HELQ: variants seen among roughly 807,000 people sequenced by gnomAD.
HELQ encodes the protein helicase, POLQ like.
HELQ carries 77 observed loss-of-function variants against 111.6 expected under a neutral mutation model. The observed-to-expected ratio is 0.69, with a 90% CI of 0.57 to 0.83. The LOEUF (loss-of-function observed/expected upper bound fraction) is 0.83, where lower values mean the gene tolerates loss of function less well. Ranked by LOEUF, HELQ falls within the 40% of genes least tolerant of loss-of-function variation. The pLI is 0.00. For missense variants in HELQ, 1,200 were observed against 1,288.5 expected (o/e 0.93, Z 1.05); for synonymous variants, 438 against 454.7 (o/e 0.96, Z 0.47).
rs11319573 is a variant in HELQ, at chr4:83,425,279, C to CAAA, written c.2775+712_2775+714dup. 2.2e-3 allele frequency among the ~76,000 whole-genome samples: 153 copies of CAAA among 70,366 alleles called. 1 individual carries two copies. Among genetic ancestry groups the CAAA allele is most frequent in the African/African-American group, 5.7e-3 (144 of 25,134 alleles). 46.2% of individuals were successfully genotyped at this position (70,366 alleles called of 152,430 possible). ...TGGGCGACAGAGTGAGACTGCACCT[C>CAAA]AAAAAAAAAAAAAAAAAAGGTGTGG... On this transcript the variant is annotated intron_variant, in intron 14 of 17. Transcript: ENST00000295488.
chr4:83,423,520 T>C (rs1719654263), intron 14 of HELQ, among the ~76,000 whole-genome samples: 2 of 152,162 alleles, frequency 1.3e-5, no homozygotes, highest in African/African-American at 2.4e-5. Context: ...TAACTATAAA[T>C]TGAGTCAATG....
chr4:83,427,722 T>C lies in HELQ; in HGVS notation c.2519-2A>G. On this transcript the variant is annotated splice_acceptor_variant, in intron 12 of 17. Coordinates refer to ENST00000295488, the MANE Select transcript of HELQ (RefSeq NM_133636.5). LOFTEE classifies it high-confidence loss of function. ...CACAATAAGCTAAATCTATAGTTCC[T>C]AAAAGAAAGATACAAATATTCAATC... is the stretch of plus-strand genomic sequence containing the variant. The C allele has an allele frequency of 6.6e-7, 1 of 1,516,304 alleles. No individual in the cohort carries two copies. The highest frequency in any genetic ancestry group is 2.4e-5 in the East Asian group (1 of 41,236). The allele number at this position is 1,516,304 out of a possible 1,614,324, so 93.9% of individuals were successfully genotyped here.
intron 7 of HELQ, among the ~76,000 whole-genome samples, chr4:83,440,607 CCTT>C (rs1720709382): frequency 6.6e-6 from 1 of 152,106 alleles, no homozygotes; most frequent in African/African-American, 2.4e-5. Flanking sequence ...CTGTATAATC[CCTT>C]CTTCCCCTTT....
intron 17 of HELQ, among the ~76,000 whole-genome samples, chr4:83,416,208 A>C (rs1168871815): frequency 6.6e-6 from 1 of 151,466 alleles, no homozygotes; most frequent in Admixed American, 6.6e-5. Context: ...TCGGCCTCCC[A>C]AAGTGCTGGG....
chr4:83,453,191 G>T, intron 2 of HELQ, 40 bp downstream of exon 2: 1 of 1,261,028 alleles, frequency 7.9e-7, no homozygotes, highest in Non-Finnish European at 1.1e-6. Context: ...TTATGGTAAT[G>T]ATAGGAAAAA....
At chr4:83,439,764 GT>G in intron 8 of HELQ, 98 bp downstream of exon 8, 2 of 793,248 alleles carry the variant, frequency 2.5e-6, no homozygotes, top group Non-Finnish European at 4.0e-6. Flanking sequence ...TTAATATGAT[GT>G]TTTGCAAGGC....
At chr4:83,411,775 A>G (rs1159777072) in intron 17 of HELQ, among the ~76,000 whole-genome samples, 2 of 151,520 alleles carry the variant, frequency 1.3e-5, no homozygotes, top group Non-Finnish European at 2.9e-5. Flanking sequence ...CATGAGTACC[A>G]CAGGCACACA....
chr4:83,436,585 GATT>G (rs1364658429), intron 9 of HELQ, among the ~76,000 whole-genome samples: 3 of 152,094 alleles, frequency 2.0e-5, no homozygotes, highest in Non-Finnish European at 4.4e-5. Flanking sequence ...TACAAAACCA[GATT>G]AATAGACCCT....
At position 83,448,963 on chromosome 4, in the gene HELQ, T is replaced by C; in HGVS notation, c.1013-2A>G. ...ATGTTAAACAAGTATGTTGCCATTC[T>C]GTGGAATTAAAAAAAAAAAGGCATT... On this transcript the variant is annotated splice_acceptor_variant, in intron 2 of 17. Coordinates refer to ENST00000295488, the MANE Select transcript of HELQ (RefSeq NM_133636.5). LOFTEE classifies it high-confidence loss of function. 1 of 1,507,308 alleles carries C rather than the reference T, an allele frequency of 6.6e-7. No homozygotes were observed. Among genetic ancestry groups the C allele is most frequent in the Non-Finnish European group, 8.8e-7 (1 of 1,133,136 alleles). 93.4% of individuals were successfully genotyped at this position (1,507,308 alleles called of 1,614,324 possible).
intron 1 of HELQ, 179 bp downstream of exon 1, chr4:83,455,218 G>C: frequency 7.7e-7 from 1 of 1,305,940 alleles, no homozygotes; most frequent in Non-Finnish European, 1.0e-6. Context: ...TATGTCTCGG[G>C]GTTTACATTT....
chr4:83,440,980 T>C (rs966485917), intron 7 of HELQ, among the ~76,000 whole-genome samples: 7 of 152,258 alleles, frequency 4.6e-5, no homozygotes, highest in African/African-American at 1.7e-4. Context: ...CACAACTTGG[T>C]ACTGTCTTTC....
At chr4:83,412,896 G>A (rs1018107555) in intron 17 of HELQ, among the ~76,000 whole-genome samples, 2 of 152,242 alleles carry the variant, frequency 1.3e-5, no homozygotes, top group African/African-American at 4.8e-5. Flanking sequence ...GCTGCACAGA[G>A]AGGCCAGAAG....
intron 9 of HELQ, among the ~76,000 whole-genome samples, chr4:83,433,052 C>T (rs967061371): frequency 6.7e-6 from 1 of 149,114 alleles, no homozygotes; most frequent in African/African-American, 2.6e-5. Flanking sequence ...AGAGTGAAAC[C>T]CCATCTCTTA....
At chr4:83,435,180 ATAAAATATGACCTT>A (rs1267102912) in intron 9 of HELQ, among the ~76,000 whole-genome samples, 2 of 152,200 alleles carry the variant, frequency 1.3e-5, no homozygotes, top group Non-Finnish European at 2.9e-5. Context: ...TAGGTGTGTA[ATAAAATATGACCTT>A]CCTCACAGAG....
chr4:83,415,664 ACT>A (rs1739317890), intron 17 of HELQ, among the ~76,000 whole-genome samples: 2 of 149,828 alleles, frequency 1.3e-5, no homozygotes, highest in Admixed American at 1.3e-4. Context: ...ACAGACTCTC[ACT>A]CTGTCACCCA....
intron 17 of HELQ, among the ~76,000 whole-genome samples, chr4:83,410,374 C>T (rs1414626624): frequency 6.6e-6 from 1 of 152,178 alleles, no homozygotes; most frequent in Non-Finnish European, 1.5e-5. Context: ...AACCAAGTAA[C>T]ATTTTAACAC....
rs543340409 is a variant in HELQ at position 83,437,852 on chromosome 4, T to C, written c.1809-755A>G. On this transcript the variant is annotated intron_variant, in intron 8 of 17. Transcript: ENST00000295488. ...TCTGAAGATGGAAACATACATATTA[T>C]TAAATCATACTTCCATGGTAAAACA... is the stretch of plus-strand genomic sequence containing the variant. Among the ~76,000 whole-genome samples the C allele has an allele frequency of 3.3e-5, 5 of 152,288 alleles. No individual in the cohort carries two copies. In the East Asian group the frequency reaches 7.7e-4, roughly 23 times the overall value.
At chr4:83,422,087 G>A (rs969988766) in intron 14 of HELQ, among the ~76,000 whole-genome samples, 22 of 152,080 alleles carry the variant, frequency 1.4e-4, no homozygotes, top group African/African-American at 5.3e-4. Context: ...GTGGCCGGGT[G>A]TGGTGGCGCG....
chr4:83,411,073 T>C (rs1739063858), intron 17 of HELQ, among the ~76,000 whole-genome samples: 1 of 147,680 alleles, frequency 6.8e-6, no homozygotes, highest in South Asian at 2.1e-4. Context: ...AGTGGGAGGA[T>C]CACCTGAGCT....
Sources: gnomAD v4.1 joint callset for allele counts (sites outside exome capture counted in the v4.1 genomes callset) on GRCh38, gnomAD v4.1.1 for gene constraint, MANE v1.5 for transcripts, NCBI Gene and HGNC (gene_info 2026-07-23, HGNC 2026-07-21) for gene names.